Variants in KASH5 observed in about 807,000 individuals in gnomAD.
The protein encoded by KASH5 is protein KASH5.
In KASH5, 72 loss-of-function variants were observed where a neutral mutation model predicts 84.2. That is an observed-to-expected ratio of 0.85 (90% CI 0.71 to 1.04). The LOEUF (loss-of-function observed/expected upper bound fraction) is 1.04. Among genes scored for constraint, KASH5 ranks in the 50% least tolerant of loss-of-function variants. KASH5 has a pLI of 0.00. For missense variants in KASH5, 650 were observed against 701.0 expected (o/e 0.93, Z 0.82); for synonymous variants, 260 against 279.1 (o/e 0.93, Z 0.68).
Position 49,416,685 on chromosome 19 carries a change from GCACT to G in KASH5, c.1375-325_1375-322del, listed in dbSNP as rs1974914068. Among the ~76,000 whole-genome samples, 1 of 152,282 alleles carries G rather than the reference GCACT, an allele frequency of 6.6e-6. No homozygotes were observed. The highest frequency in any genetic ancestry group is 2.4e-5 in the African/African-American group (1 of 41,548). The stretch of plus-strand genomic sequence containing the variant: ...ATTGAATAGCTCACACAGACATTGA[GCACT>G]CACTATGTACCAGGCGCTGTCCAAG... On this transcript the variant is annotated intron_variant, in intron 17 of 19. Coordinates refer to ENST00000447857, the MANE Select transcript of KASH5 (RefSeq NM_144688.5). This position sits in a 1 kb window ranked among gnomAD's most constrained non-coding sequence, Gnocchi z 5.4.
intron 9 of KASH5, among the ~76,000 whole-genome samples, chr19:49,405,537 A>G (rs909511114): frequency 6.6e-6 from 1 of 152,046 alleles, no homozygotes; most frequent in Non-Finnish European, 1.5e-5. Flanking sequence ...TAATTTTGTT[A>G]AGTATGATAG....
rs1021018520 is a variant in KASH5, at chr19:49,417,504, A to G, written c.1683A>G (p.Pro561=). The G allele has an allele frequency of 6.5e-7, 1 of 1,535,996 alleles. No individual in the cohort carries two copies. Among genetic ancestry groups the G allele is most frequent in the Non-Finnish European group, 8.8e-7 (1 of 1,138,734 alleles). The change falls in exon 20 of 20, where the codon CCA becomes CCG. Residue 561 remains proline, a synonymous_variant. Transcript: ENST00000447857. The surrounding 1 kb of genome is among the most constrained non-coding windows in gnomAD (Gnocchi z 5.2). ...HLQLCYLQPP[P]V is the part of the protein sequence containing the mutation. ...AGCTCTGCTACCTCCAGCCCCCTCC[A>G]GTGTGAGAGGCTCTACTTGCCCCTC...
rs111818138 is a variant in KASH5 at position 49,399,443 on chromosome 19, C to G, written c.748-14C>G. 5.1e-5 allele frequency: 82 copies of G among 1,609,074 alleles called. No individual in the cohort carries two copies. Among genetic ancestry groups the G allele is most frequent in the African/African-American group, 4.3e-4 (32 of 74,980 alleles). On this transcript the variant is annotated splice_polypyrimidine_tract_variant and intron_variant, in intron 8 of 19. Transcript: ENST00000447857. This position sits in a 1 kb window ranked among gnomAD's most constrained non-coding sequence, Gnocchi z 4.4. ...TAGAAATGAAACCTTTGTCCTCTCTCTGGGGTTGGTCAGGAAAAGGAGCAG... is the reference window on the plus strand; with the variant it reads ...TAGAAATGAAACCTTTGTCCTCTCTGTGGGGTTGGTCAGGAAAAGGAGCAG...
chr19:49,399,516 A>C lies in KASH5; in HGVS notation c.798+9A>C. The C allele has an allele frequency of 1.2e-6, 2 of 1,604,126 alleles. No homozygotes were observed. Among genetic ancestry groups the C allele is most frequent in the Non-Finnish European group, 1.7e-6 (2 of 1,175,432 alleles). On this transcript the variant is annotated intron_variant, in intron 9 of 19. Transcript: ENST00000447857. This position sits in a 1 kb window ranked among gnomAD's most constrained non-coding sequence, Gnocchi z 4.4. ...AGACTCTGCAGGAGGAGGTGAGCGG[A>C]GGCCCAGCACCACCCCCACCCCTTC...
At position 49,416,233 on chromosome 19, in the gene KASH5, G is replaced by GC. The variant is rs1480611299; in HGVS notation, c.1375-780dup. The stretch of plus-strand genomic sequence containing the variant: ...TTTTGAGATGGAGTCTTGCTCTGTC[G>GC]CCAGGCTGGAGTGCAGTGGTGCGAT... On this transcript the variant is annotated intron_variant, in intron 17 of 19. Transcript: ENST00000447857. This position sits in a 1 kb window ranked among gnomAD's most constrained non-coding sequence, Gnocchi z 5.4. Among the ~76,000 whole-genome samples, 1 of 152,064 alleles carries GC rather than the reference G, an allele frequency of 6.6e-6. No homozygotes were observed. Among genetic ancestry groups the GC allele is most frequent in the African/African-American group, 2.4e-5 (1 of 41,394 alleles).
At position 49,409,283 on chromosome 19, in the gene KASH5, G is replaced by A; in HGVS notation, c.1146G>A (p.Gln382=). Residue 382 remains glutamine (Q), a splice_region_variant and synonymous_variant, in exon 14 of 20, where the codon CAG becomes CAA. Coordinates refer to ENST00000447857, the MANE Select transcript of KASH5 (RefSeq NM_144688.5). Reference sequence around the variant, plus strand: ...GCTTGGAGATCGAGGCCATTCGACAGGTGGGCCTAACACCCCTGGAATAAG... The same window carrying A: ...GCTTGGAGATCGAGGCCATTCGACAAGTGGGCCTAACACCCCTGGAATAAG... The part of the protein sequence containing the change: ...SLGLEIEAIR[Q]KQEVATADLS... 6.2e-7 allele frequency: 1 copy of A among 1,613,558 alleles called. No homozygotes were observed. Among genetic ancestry groups the A allele is most frequent in the Non-Finnish European group, 8.5e-7 (1 of 1,179,782 alleles).
chr19:49,391,184 A>T (rs1374100470), intron 2 of KASH5, among the ~76,000 whole-genome samples: 2 of 152,132 alleles, frequency 1.3e-5, no homozygotes, highest in Non-Finnish European at 2.9e-5. Flanking sequence ...CCCTTACTCC[A>T]TTCAGATCGC....
chr19:49,395,600 T>G lies in KASH5; in HGVS notation c.336-169T>G. 1.4e-6 allele frequency: 1 copy of G among 690,212 alleles called. No individual in the cohort carries two copies. The highest frequency in any genetic ancestry group is 1.8e-5 in the South Asian group (1 of 55,550). The allele number at this position is 690,212 out of a possible 1,614,324, so 42.8% of individuals were successfully genotyped here. A position where few individuals can be genotyped will look rare whatever the true frequency, so the allele number is the denominator to read the frequency against. On this transcript the variant is annotated intron_variant, in intron 4 of 19. Transcript: ENST00000447857. This position sits in a 1 kb window ranked among gnomAD's most constrained non-coding sequence, Gnocchi z 4.4. The stretch of plus-strand genomic sequence containing the variant: ...CAAACCCACTCCTTGCCCCTCCTGC[T>G]TTTCCATCTGGCCACGGGCACTTGC...
Position 49,417,447 on chromosome 19 carries a change from C to T in KASH5, c.1626C>T (p.Gly542=). ...LLLLLSVLLL[G]PSPPPTWPHL... ...TGCTGCTCTCTGTCCTGCTGCTTGG[C>T]CCGTCCCCACCTCCCACCTGGCCCC... is the stretch of plus-strand genomic sequence containing the variant. The change falls in exon 20 of 20, where the codon GGC becomes GGT. Residue 542 remains glycine, a synonymous_variant. Coordinates refer to ENST00000447857, the MANE Select transcript of KASH5 (RefSeq NM_144688.5). The surrounding 1 kb of genome is among the most constrained non-coding windows in gnomAD (Gnocchi z 5.2). The T allele has an allele frequency of 6.4e-7, 1 of 1,555,110 alleles. No homozygotes were observed. The highest frequency in any genetic ancestry group is 8.7e-7 in the Non-Finnish European group (1 of 1,149,570).
Position 49,395,905 on chromosome 19 carries a change from C to T in KASH5, c.400+72C>T, listed in dbSNP as rs1324496450. On this transcript the variant is annotated intron_variant, in intron 5 of 19. Transcript: ENST00000447857. This position sits in a 1 kb window ranked among gnomAD's most constrained non-coding sequence, Gnocchi z 4.4. The stretch of plus-strand genomic sequence containing the variant: ...CAGTGTGGGGACTTACCACCCAGGG[C>T]AGAGCAAGGGATAGGGTAGGAACCA... The T allele has an allele frequency of 2.3e-6, 3 of 1,297,520 alleles. No homozygotes were observed. The East Asian group carries it at 7.6e-5, about 33-fold the overall frequency. 80.4% of individuals were successfully genotyped at this position (1,297,520 alleles called of 1,614,324 possible). A position where few individuals can be genotyped will look rare whatever the true frequency, so the allele number is the denominator to read the frequency against.
chr19:49,409,007 G>A lies in KASH5; in HGVS notation c.1034G>A (p.Ser345Asn). ...LEISRLEEQL[S>N]QTYEGPDELP... is the part of the protein sequence containing the mutation. ...ATTTCACGCCTGGAGGAGCAGCTGA[G>A]TCAGACCTATGAGGGGCCCGATGAG... is the stretch of plus-strand genomic sequence containing the variant. Residue 345 changes from serine to asparagine, a missense_variant, in exon 13 of 20, where the codon AGT becomes AAT. Coordinates refer to ENST00000447857, the MANE Select transcript of KASH5 (RefSeq NM_144688.5). The A allele has an allele frequency of 6.3e-7, 1 of 1,593,974 alleles. No homozygotes were observed. Among genetic ancestry groups the A allele is most frequent in the Non-Finnish European group, 8.5e-7 (1 of 1,170,438 alleles).
rs781483131 is a variant in KASH5 at position 49,395,816 on chromosome 19, C to T, written c.383C>T (p.Ser128Phe). Residue 128 changes from serine to phenylalanine, a missense_variant, in exon 5 of 20, where the codon TCC becomes TTC. Coordinates refer to ENST00000447857, the MANE Select transcript of KASH5 (RefSeq NM_144688.5). This position sits in a 1 kb window ranked among gnomAD's most constrained non-coding sequence, Gnocchi z 4.4. The stretch of plus-strand genomic sequence containing the variant: ...ACCGCCTTCCAGGGAGCCCTGACCT[C>T]CCGGCAACTGCCATCTGGTGAGATT... ...EETAFQGALTSRQLPSGCPEA... is the reference protein window; with the variant it reads ...EETAFQGALTFRQLPSGCPEA... The T allele has an allele frequency of 6.4e-7, 1 of 1,564,422 alleles. No individual in the cohort carries two copies. Among genetic ancestry groups the T allele is most frequent in the Non-Finnish European group, 8.7e-7 (1 of 1,154,382 alleles).
At chr19:49,389,094 C>A (rs1973909561) in intron 1 of KASH5, among the ~76,000 whole-genome samples, 2 of 134,748 alleles carry the variant, frequency 1.5e-5, no homozygotes, top group Non-Finnish European at 3.2e-5. Context: ...TCAAGACCCC[C>A]AAAATCCAGC....
At chr19:49,394,351 C>A in intron 2 of KASH5, 125 bp from the exon 3 acceptor site, 1 of 683,424 alleles carries the variant, frequency 1.5e-6, no homozygotes, top group South Asian at 1.8e-5. Flanking sequence ...CCCACCCGCC[C>A]GAACTCTCAG....
chr19:49,399,232 G>A lies in KASH5; in HGVS notation c.747+90G>A. 1 of 1,166,734 alleles carries A rather than the reference G, an allele frequency of 8.6e-7. No homozygotes were observed. The highest frequency in any genetic ancestry group is 1.2e-6 in the Non-Finnish European group (1 of 829,426). The allele number at this position is 1,166,734 out of a possible 1,614,324, so 72.3% of individuals were successfully genotyped here. ...AGAGTGTGACTATGGAGTAGGAAGG[G>A]GCAGAGGTCACCTGGCTTTCTCCCT... is the stretch of plus-strand genomic sequence containing the variant. On this transcript the variant is annotated intron_variant, in intron 8 of 19. Coordinates refer to ENST00000447857, the MANE Select transcript of KASH5 (RefSeq NM_144688.5). The surrounding 1 kb of genome is among the most constrained non-coding windows in gnomAD (Gnocchi z 4.4).
intron 2 of KASH5, among the ~76,000 whole-genome samples, chr19:49,392,261 G>A (rs947378529): frequency 1.3e-5 from 2 of 152,196 alleles, no homozygotes; most frequent in Non-Finnish European, 1.5e-5. Context: ...GAAGCACAGA[G>A]ACTGAGATAC....
At position 49,399,350 on chromosome 19, in the gene KASH5, G is replaced by T; in HGVS notation, c.748-107G>T. 2.5e-6 allele frequency: 3 copies of T among 1,182,628 alleles called. No individual in the cohort carries two copies. The highest frequency in any genetic ancestry group is 3.7e-6 in the Non-Finnish European group (3 of 820,854). 73.3% of individuals were successfully genotyped at this position (1,182,628 alleles called of 1,614,324 possible). ...CAGCAGGAGCCATCAGGGCTTCCCA[G>T]ACCCATTCCCCCAGGCCCTGGTTGT... On this transcript the variant is annotated intron_variant, in intron 8 of 19. Coordinates refer to ENST00000447857, the MANE Select transcript of KASH5 (RefSeq NM_144688.5). This position sits in a 1 kb window ranked among gnomAD's most constrained non-coding sequence, Gnocchi z 4.4.
At chr19:49,392,772 C>T (rs1974042448) in intron 2 of KASH5, among the ~76,000 whole-genome samples, 1 of 152,090 alleles carries the variant, frequency 6.6e-6, no homozygotes, top group Non-Finnish European at 1.5e-5. Flanking sequence ...ATTAGCTGGG[C>T]CTGGTAGCAG....
chr19:49,399,319 A>C lies in KASH5; in HGVS notation c.748-138A>C. 1.0e-6 allele frequency: 1 copy of C among 957,902 alleles called. No homozygotes were observed. Among genetic ancestry groups the C allele is most frequent in the Non-Finnish European group, 1.6e-6 (1 of 633,550 alleles). The allele number at this position is 957,902 out of a possible 1,614,324, so 59.3% of individuals were successfully genotyped here. A position where few individuals can be genotyped will look rare whatever the true frequency, so the allele number is the denominator to read the frequency against. On this transcript the variant is annotated intron_variant, in intron 8 of 19. Transcript: ENST00000447857. This position sits in a 1 kb window ranked among gnomAD's most constrained non-coding sequence, Gnocchi z 4.4. Reference sequence around the variant, plus strand: ...TTACCTGCCATCCTTCTCATGACAAAGGAGACAGCAGGAGCCATCAGGGCT... The same window carrying C: ...TTACCTGCCATCCTTCTCATGACAACGGAGACAGCAGGAGCCATCAGGGCT...
Sources: gnomAD v4.1 joint callset for allele counts (sites outside exome capture counted in the v4.1 genomes callset) on GRCh38, gnomAD v4.1.1 for gene constraint, Gnocchi (gnomAD v3.1) non-coding constraint, MANE v1.5 for transcripts, NCBI Gene and HGNC (gene_info 2026-07-23, HGNC 2026-07-21) for gene names.